The following ITGB2 variants were observed in gnomAD, a reference collection of about 807,000 sequenced individuals.
The protein encoded by ITGB2 is integrin beta-2.
Under a neutral mutation model 86.8 loss-of-function variants are expected in ITGB2, and 56 were observed. The ratio of observed to expected loss-of-function variants is 0.65; its 90% CI spans 0.52 to 0.81. The LOEUF is 0.81. ITGB2 is among the 30% of genes least tolerant of loss of function. ITGB2 has a pLI of 0.00. For missense variants in ITGB2, 948 were observed against 1,061.2 expected (o/e 0.89, Z 1.48); for synonymous variants, 457 against 450.4 (o/e 1.01, Z -0.19).
In ITGB2 at chr21:44,901,671, G is replaced by C; in HGVS notation, c.562C>G (p.Arg188Gly). ...PFVNTHPDKL[R>G]NPCPNKEKEC... ...TTCTCCTTGTTGGGGCATGGGTTTCGCAGCTTATCAGGGTGCGTGTTCACG... is the reference window on the plus strand; with the variant it reads ...TTCTCCTTGTTGGGGCATGGGTTTCCCAGCTTATCAGGGTGCGTGTTCACG... Residue 188 changes from arginine (R) to glycine (G), a missense_variant, in exon 6 of 16, where the codon CGA becomes GGA. By Grantham distance (125) the Arg-to-Gly change is moderately radical. Coordinates refer to ENST00000652462, the MANE Select transcript of ITGB2 (RefSeq NM_000211.5). 1 of 1,614,232 alleles carries C rather than the reference G, an allele frequency of 6.2e-7. No individual in the cohort carries two copies. Among genetic ancestry groups the C allele is most frequent in the Non-Finnish European group, 8.5e-7 (1 of 1,180,032 alleles).
intron 8 of ITGB2, among the ~76,000 whole-genome samples, chr21:44,897,302 G>T (rs2083884027): frequency 6.6e-6 from 1 of 152,246 alleles, no homozygotes; most frequent in South Asian, 2.1e-4. Context: ...GCCCTCCCGG[G>T]CACTTTCCTT....
At chr21:44,895,745 G>A (rs1267032075) in intron 8 of ITGB2, among the ~76,000 whole-genome samples, 1 of 147,464 alleles carries the variant, frequency 6.8e-6, no homozygotes, top group Non-Finnish European at 1.5e-5. Flanking sequence ...GGAGACTGAG[G>A]CAGGAGAACC....
chr21:44,889,643 G>A, intron 12 of ITGB2, 148 bp from the exon 13 acceptor site: 1 of 870,094 alleles, frequency 1.1e-6, no homozygotes. Flanking sequence ...CCACTAGCCA[G>A]GCCCTTCTGC....
chr21:44,900,716 C>T (rs1412467846), intron 6 of ITGB2, among the ~76,000 whole-genome samples: 1 of 152,150 alleles, frequency 6.6e-6, no homozygotes, highest in African/African-American at 2.4e-5. Context: ...TGTGGAAAGG[C>T]AAGGAGAGAG....
At chr21:44,918,111 C>T (rs562937448) in intron 1 of ITGB2, among the ~76,000 whole-genome samples, 6 of 152,384 alleles carry the variant, frequency 3.9e-5, no homozygotes, top group East Asian at 1.9e-4. Context: ...AATTGCTAGG[C>T]GCCCACTGCA....
chr21:44,920,958 T>A (rs1333956094), upstream of ITGB2: 1 of 152,280 alleles, frequency 6.6e-6, no homozygotes, highest in Non-Finnish European at 1.5e-5. Flanking sequence ...TCCTCTCAGC[T>A]CCTCCTTGGA....
chr21:44,913,279 C>T (rs2084159602), intron 1 of ITGB2, among the ~76,000 whole-genome samples: 1 of 152,128 alleles, frequency 6.6e-6, no homozygotes, highest in Non-Finnish European at 1.5e-5. Context: ...GGGCCGCAGA[C>T]ATGAGGTCTC....
chr21:44,890,446 G>T (rs2083770708), intron 11 of ITGB2, among the ~76,000 whole-genome samples: 1 of 152,246 alleles, frequency 6.6e-6, no homozygotes, highest in African/African-American at 2.4e-5. Context: ...GCAGACACCT[G>T]GCCTTGGCCT....
intron 12 of ITGB2, 130 bp from the exon 13 acceptor site, chr21:44,889,625 G>T (rs763970364): frequency 4.2e-6 from 4 of 942,834 alleles, no homozygotes; most frequent in Admixed American, 4.0e-5. Flanking sequence ...TGAGCAAAAG[G>T]CATGGGGCCA....
Position 44,900,437 on chromosome 21 carries a change from C to T in ITGB2, c.780G>A (p.Val260=), listed in dbSNP as rs763712160. ...AATGGAAGCCGTCATCAGTGGCAAA[C>T]ACCAGCAGCCGCGTGACGTTGCGCC... ...IGWRNVTRLL[V]FATDDGFHFA... Residue 260 remains valine, a synonymous_variant, in exon 7 of 16, where the codon GTG becomes GTA. Coordinates refer to ENST00000652462, the MANE Select transcript of ITGB2 (RefSeq NM_000211.5). The T allele has an allele frequency of 3.1e-6, 5 of 1,614,026 alleles. No homozygotes were observed. The East Asian group carries it at 1.1e-4, about 36-fold the overall frequency.
chr21:44,915,486 C>G (rs13050770), intron 1 of ITGB2, among the ~76,000 whole-genome samples: 1 of 152,132 alleles, frequency 6.6e-6, no homozygotes, highest in East Asian at 1.9e-4. Flanking sequence ...CAAAGTGACT[C>G]GGAGGTGCGC....
intron 5 of ITGB2, 50 bp from the exon 6 acceptor site, chr21:44,901,783 G>C: frequency 1.3e-6 from 2 of 1,577,736 alleles, no homozygotes; most frequent in Non-Finnish European, 8.6e-7. Context: ...GGCCCAGGTG[G>C]GAGGGCCAGC....
In ITGB2 at chr21:44,889,963, G is replaced by A. The variant is rs2083761936; in HGVS notation, c.1657+15C>T. 2 of 1,612,588 alleles carry A rather than the reference G, an allele frequency of 1.2e-6. No individual in the cohort carries two copies. The highest frequency in any genetic ancestry group is 2.2e-5 in the East Asian group (1 of 44,884). On this transcript the variant is annotated intron_variant, in intron 12 of 15. Transcript: ENST00000652462. ...CGCAGGACGGCCGTTGTCCAGCAGG[G>A]ACCCACGGGCTCACCCGGGCCGCCG...
intron 4 of ITGB2, among the ~76,000 whole-genome samples, chr21:44,905,304 A>C (rs2084026454): frequency 6.6e-6 from 1 of 151,882 alleles, no homozygotes; most frequent in African/African-American, 2.4e-5. Flanking sequence ...TGCTCACCCG[A>C]GTTTGCCTAC....
At chr21:44,908,083 G>A in intron 3 of ITGB2, 2 of 718,742 alleles carry the variant, frequency 2.8e-6, no homozygotes, top group Non-Finnish European at 5.2e-6. Context: ...CCTGGGGCCT[G>A]GCCACCCTGC....
intron 15 of ITGB2, 81 bp from the exon 16 acceptor site, chr21:44,886,511 A>G (rs2083700719): frequency 3.3e-6 from 5 of 1,499,260 alleles, no homozygotes; most frequent in East Asian, 4.5e-5. Flanking sequence ...CACTCCCCGC[A>G]TGGAAGCCGT....
intron 8 of ITGB2, among the ~76,000 whole-genome samples, chr21:44,897,796 C>T (rs1358615770): frequency 6.6e-6 from 1 of 152,236 alleles, no homozygotes; most frequent in Non-Finnish European, 1.5e-5. Flanking sequence ...AGTACAATGA[C>T]AACCACCTCC....
At chr21:44,911,245 C>G in intron 1 of ITGB2, 1 of 267,256 alleles carries the variant, frequency 3.7e-6, no homozygotes, top group Non-Finnish European at 7.5e-6. Flanking sequence ...CCGCAAGACA[C>G]TACACACCAC....
chr21:44,889,426 T>C lies in ITGB2; in HGVS notation c.1727A>G (p.Glu576Gly). 6.2e-7 allele frequency: 1 copy of C among 1,610,624 alleles called. No homozygotes were observed. The change falls in exon 13 of 16, where the codon GAG becomes GGG. Residue 576 changes from glutamate (E) to glycine (G), a missense_variant. Physicochemically the swap from Glu to Gly is moderately conservative, Grantham distance 98. Transcript: ENST00000652462. Reference sequence around the variant, plus strand: ...GTTCAGGCAGCCCTCAGTGGTCCTCTCGCACTGGCACGCTGAGCCCTCAAA... The same window carrying C: ...GTTCAGGCAGCCCTCAGTGGTCCTCCCGCACTGGCACGCTGAGCCCTCAAA... ...PGFEGSACQC[E>G]RTTEGCLNPR...
Sources: allele counts gnomAD v4.1 joint callset (sites outside exome capture counted in the v4.1 genomes callset), GRCh38; gene constraint gnomAD v4.1.1; transcripts MANE v1.5; gene names NCBI Gene and HGNC (gene_info 2026-07-23, HGNC 2026-07-21).